CAMTA1: variants seen among roughly 807,000 people sequenced by gnomAD.
CAMTA1 encodes calmodulin binding transcription activator 1, also known as calmodulin-binding transcription activator 1.
In CAMTA1, 27 loss-of-function variants were observed where a neutral mutation model predicts 170.9. The ratio of observed to expected loss-of-function variants is 0.16; its 90% CI spans 0.12 to 0.22. The LOEUF is 0.22. Ranked by LOEUF, CAMTA1 falls within the 10% of genes least tolerant of loss-of-function variation. CAMTA1 has a pLI of 1.00. For synonymous variants in CAMTA1, 833 were observed against 891.5 expected (o/e 0.93, Z 1.17); for missense variants, 1,619 against 2,217.2 (o/e 0.73, Z 5.42).
intron 5 of CAMTA1, among the ~76,000 whole-genome samples, chr1:7,390,989 C>T (rs12089201): frequency 0.011 from 1,663 of 152,036 alleles, 26 homozygotes; most frequent in African/African-American, 0.033. Context: ...TTTAGTGCTC[C>T]GAGAATCTGG....
intron 22 of CAMTA1, among the ~76,000 whole-genome samples, chr1:7,756,784 G>C (rs1431133797): frequency 6.6e-6 from 1 of 152,080 alleles, no homozygotes; most frequent in Non-Finnish European, 1.5e-5. Context: ...GGAGGTTGAG[G>C]CTGCAGTGAG....
intron 3 of CAMTA1, among the ~76,000 whole-genome samples, chr1:7,051,672 C>G (rs1160487512): frequency 3.3e-5 from 5 of 151,956 alleles, no homozygotes; most frequent in African/African-American, 1.2e-4. Flanking sequence ...CCTGCCAGGA[C>G]AGACTCATCC....
chr1:6,883,900 A>G (rs890672383), intron 3 of CAMTA1, among the ~76,000 whole-genome samples: 5 of 152,190 alleles, frequency 3.3e-5, no homozygotes, highest in African/African-American at 1.2e-4. Flanking sequence ...CAGTAAGTCT[A>G]CATTACATGA....
chr1:7,385,224 G>A (rs1415163584), intron 5 of CAMTA1, among the ~76,000 whole-genome samples: 1 of 151,632 alleles, frequency 6.6e-6, no homozygotes, highest in South Asian at 2.1e-4. Flanking sequence ...TGAGTAGCAG[G>A]GACTACAGGC....
rs1422107294 is a variant in CAMTA1, at chr1:7,443,641, A to G, written c.439-24189A>G. ...CAAGCAGAGATGATTGCAGTGCCCTATAGTGCACCGTTGGGGTAGAGGGAG... is the reference window on the plus strand; with the variant it reads ...CAAGCAGAGATGATTGCAGTGCCCTGTAGTGCACCGTTGGGGTAGAGGGAG... On this transcript the variant is annotated intron_variant, in intron 5 of 22. Coordinates refer to ENST00000303635, the MANE Select transcript of CAMTA1 (RefSeq NM_015215.4). This position sits in a 1 kb window ranked among gnomAD's most constrained non-coding sequence, Gnocchi z 4.1. Among the ~76,000 whole-genome samples, 9 of 152,060 alleles carry G rather than the reference A, an allele frequency of 5.9e-5. No homozygotes were observed. Among genetic ancestry groups the G allele is most frequent in the Admixed American group, 5.9e-4 (9 of 15,272 alleles).
intron 9 of CAMTA1, among the ~76,000 whole-genome samples, chr1:7,667,926 G>A (rs1039810359): frequency 3.9e-5 from 6 of 152,222 alleles, no homozygotes; most frequent in Admixed American, 6.5e-5. Context: ...AGGCCTCAGA[G>A]GTTGTGAAGG....
rs199541750 is a variant in CAMTA1 at position 7,742,391 on chromosome 1, ATATACT to A, written c.4183-2439_4183-2434del. ...TACTATATGATAGATTTAATATATG[ATATACT>A]TATATATAACTATATGTGTGTATGT... On this transcript the variant is annotated intron_variant, in intron 16 of 22. Transcript: ENST00000303635. Among the ~76,000 whole-genome samples the A allele has an allele frequency of 3.2e-3, 491 of 152,220 alleles. 4 individuals carry two copies. The highest frequency in any genetic ancestry group is 0.026 in the Admixed American group (397 of 15,272).
chr1:7,035,580 C>T (rs779840162), intron 3 of CAMTA1, among the ~76,000 whole-genome samples: 21 of 152,212 alleles, frequency 1.4e-4, no homozygotes, highest in Admixed American at 5.2e-4. Flanking sequence ...GTTTTACCCA[C>T]GGTTGCTTTT....
intron 5 of CAMTA1, among the ~76,000 whole-genome samples, chr1:7,327,124 G>C (rs1382803836): frequency 6.6e-6 from 1 of 152,094 alleles, no homozygotes; most frequent in Non-Finnish European, 1.5e-5. Flanking sequence ...ATTTAAAAGA[G>C]ACCAGGAGGA....
At chr1:7,441,015 A>G (rs906977950) in intron 5 of CAMTA1, 6 of 152,100 alleles carry the variant, frequency 3.9e-5, no homozygotes, top group African/African-American at 1.4e-4. Flanking sequence ...TTTAAACCCT[A>G]CGTCACCCAC....
rs566205190 is a variant in CAMTA1, at chr1:7,503,381, G to A, written c.510+35480G>A. ...AGGGGCTTTCGGGTCACAATGCAGAGAACTTCCTCGCAGTGAGCAGCCTTG... is the reference window on the plus strand; with the variant it reads ...AGGGGCTTTCGGGTCACAATGCAGAAAACTTCCTCGCAGTGAGCAGCCTTG... On this transcript the variant is annotated intron_variant, in intron 6 of 22. Transcript: ENST00000303635. Among the ~76,000 whole-genome samples, 8 of 152,358 alleles carry A rather than the reference G, an allele frequency of 5.3e-5. No individual in the cohort carries two copies. In the East Asian group the frequency reaches 9.7e-4, roughly 18 times the overall value.
At chr1:6,985,567 A>G (rs1425292021) in intron 3 of CAMTA1, among the ~76,000 whole-genome samples, 5 of 152,198 alleles carry the variant, frequency 3.3e-5, no homozygotes, top group Non-Finnish European at 5.9e-5. Context: ...TACACTTACA[A>G]TCTCTCTGCA....
chr1:7,655,860 G>A (rs2095898714), intron 7 of CAMTA1, among the ~76,000 whole-genome samples: 1 of 152,222 alleles, frequency 6.6e-6, no homozygotes, highest in African/African-American at 2.4e-5. Flanking sequence ...GATGGGGGAG[G>A]CCTGAGCCCC....
intron 5 of CAMTA1, among the ~76,000 whole-genome samples, chr1:7,465,946 G>A (rs2093201009): frequency 6.6e-6 from 1 of 152,176 alleles, no homozygotes; most frequent in Non-Finnish European, 1.5e-5. Context: ...GTCTAGAGAG[G>A]AATAGAGTGG....
intron 22 of CAMTA1, among the ~76,000 whole-genome samples, chr1:7,757,740 GA>G (rs558570160): frequency 6.7e-6 from 1 of 149,362 alleles, no homozygotes; most frequent in African/African-American, 2.5e-5. Context: ...TGTCTCAAAA[GA>G]AAAAAAAGAG....
intron 5 of CAMTA1, among the ~76,000 whole-genome samples, chr1:7,342,938 C>G (rs912792959): frequency 6.6e-6 from 1 of 152,212 alleles, no homozygotes; most frequent in African/African-American, 2.4e-5. Flanking sequence ...CTCCTTGCTC[C>G]TATTAAGGCC....
intron 3 of CAMTA1, among the ~76,000 whole-genome samples, chr1:6,830,447 G>A (rs1427903294): frequency 2.7e-5 from 4 of 149,992 alleles, no homozygotes; most frequent in East Asian, 2.0e-4. Context: ...GGGTTCAAGC[G>A]ATTCTCCTGC....
At chr1:7,692,818 A>T (rs1456707533) in intron 11 of CAMTA1, among the ~76,000 whole-genome samples, 1 of 152,212 alleles carries the variant, frequency 6.6e-6, no homozygotes, top group East Asian at 1.9e-4. Context: ...AGTACCTGCT[A>T]GAACCAAGGC....
At chr1:7,691,079 C>T (rs67976301) in intron 11 of CAMTA1, among the ~76,000 whole-genome samples, 18,740 of 152,240 alleles carry the variant, frequency 0.12, 1,427 homozygotes, top group East Asian at 0.23. Context: ...CACCTGTCTT[C>T]GCACAAACAA....
Sources: gnomAD v4.1 joint callset for allele counts (sites outside exome capture counted in the v4.1 genomes callset) on GRCh38, gnomAD v4.1.1 for gene constraint, Gnocchi (gnomAD v3.1) non-coding constraint, MANE v1.5 for transcripts, NCBI Gene and HGNC (gene_info 2026-07-23, HGNC 2026-07-21) for gene names.